The following LIMCH1 variants were observed in gnomAD, a reference collection of about 807,000 sequenced individuals.
LIMCH1 encodes LIM and calponin homology domains-containing protein 1.
In LIMCH1, 113 loss-of-function variants were observed where a neutral mutation model predicts 176.5. The observed-to-expected ratio is 0.64, with a 90% CI of 0.55 to 0.75. The LOEUF is 0.75. Ranked by LOEUF, LIMCH1 falls within the 30% of genes least tolerant of loss-of-function variation. The pLI is 0.00. For missense variants in LIMCH1, 1,674 were observed against 1,814.9 expected (o/e 0.92, Z 1.41); for synonymous variants, 619 against 645.9 (o/e 0.96, Z 0.63).
chr4:41,461,828 C>G (rs147362120), intron 1 of LIMCH1, among the ~76,000 whole-genome samples: 1 of 152,298 alleles, frequency 6.6e-6, no homozygotes, highest in African/African-American at 2.4e-5. Flanking sequence ...AAATCATTAC[C>G]TTAGTTTAAA....
intron 14 of LIMCH1, among the ~76,000 whole-genome samples, chr4:41,640,558 G>C (rs577870394): frequency 6.6e-6 from 1 of 152,124 alleles, no homozygotes; most frequent in African/African-American, 2.4e-5. Context: ...AGTAAAAGGA[G>C]CTTTTTTTCC....
At position 41,360,825 on chromosome 4, in the gene LIMCH1, A is replaced by G; in HGVS notation, c.-16A>G. ...CGTCCTCATCCCGGCGCTTGAGAGG[A>G]CGCGGGGCTGCGCAAATGGCTTGTC... On this transcript the variant is annotated 5_prime_UTR_variant, in exon 1 of 27. Coordinates refer to the LIMCH1 transcript ENST00000313860. The surrounding 1 kb of genome is among the most constrained non-coding windows in gnomAD (Gnocchi z 4.5). The G allele has an allele frequency of 6.5e-7, 1 of 1,534,456 alleles. No homozygotes were observed. Among genetic ancestry groups the G allele is most frequent in the Non-Finnish European group, 8.8e-7 (1 of 1,141,024 alleles).
At chr4:41,654,129 G>A (rs530934804) in intron 18 of LIMCH1, among the ~76,000 whole-genome samples, 1 of 152,260 alleles carries the variant, frequency 6.6e-6, no homozygotes, top group South Asian at 2.1e-4. Context: ...ATTAAATACA[G>A]AGGGACTCAT....
At chr4:41,415,812 C>T (rs1157827875) in intron 1 of LIMCH1, among the ~76,000 whole-genome samples, 1 of 149,782 alleles carries the variant, frequency 6.7e-6, no homozygotes, top group Non-Finnish European at 1.5e-5. Context: ...CCCGTGTCTA[C>T]TAAAAATAAA....
At chr4:41,568,760 AT>A (rs1298602966) in intron 1 of LIMCH1, among the ~76,000 whole-genome samples, 2 of 152,216 alleles carry the variant, frequency 1.3e-5, no homozygotes, top group Non-Finnish European at 2.9e-5. Flanking sequence ...CCATTGAAAG[AT>A]TGCTTGACTT....
chr4:41,429,491 T>A (rs1231282416), intron 1 of LIMCH1, among the ~76,000 whole-genome samples: 1 of 152,216 alleles, frequency 6.6e-6, no homozygotes, highest in Non-Finnish European at 1.5e-5. Context: ...TTTGGCAGCA[T>A]GATGCTCTGT....
At chr4:41,688,021 G>A (rs1333619002) in intron 29 of LIMCH1, 104 bp downstream of exon 29, 11 of 873,084 alleles carry the variant, frequency 1.3e-5, no homozygotes, top group South Asian at 8.6e-5. Context: ...TTTGAGGGAT[G>A]TGTCCATCCA....
At chr4:41,596,135 G>C (rs562309155) in intron 1 of LIMCH1, among the ~76,000 whole-genome samples, 1 of 150,892 alleles carries the variant, frequency 6.6e-6, no homozygotes, top group East Asian at 1.9e-4. Flanking sequence ...ATACTTTATT[G>C]TACTAATTTT....
chr4:41,442,412 A>G (rs1339966525), intron 1 of LIMCH1, among the ~76,000 whole-genome samples: 2 of 152,278 alleles, frequency 1.3e-5, no homozygotes, highest in East Asian at 1.9e-4. Context: ...ACTTAGCATC[A>G]GTGTCTATTC....
chr4:41,583,667 T>G (rs1249854990), intron 1 of LIMCH1, among the ~76,000 whole-genome samples: 1 of 152,182 alleles, frequency 6.6e-6, no homozygotes, highest in African/African-American at 2.4e-5. Context: ...TTTTTTGAAT[T>G]ACATAGAAAA....
rs191842995 is a variant in LIMCH1, at chr4:41,573,894, A to C, written c.-240-25026A>C. Among the ~76,000 whole-genome samples the C allele has an allele frequency of 3.3e-5, 5 of 152,316 alleles. No individual in the cohort carries two copies. The East Asian group carries it at 7.7e-4, about 24-fold the overall frequency. The stretch of plus-strand genomic sequence containing the variant: ...TACTGGATTATAAAAGCCAATGGCT[A>C]TTAGGTCATTAGCTTAAAGAGCTAT... On this transcript the variant is annotated intron_variant, in intron 1 of 31. Transcript: ENST00000503057.
At chr4:41,499,552 G>C (rs2072848235) in intron 2 of LIMCH1, among the ~76,000 whole-genome samples, 1 of 152,184 alleles carries the variant, frequency 6.6e-6, no homozygotes, top group South Asian at 2.1e-4. Flanking sequence ...GGGAGCGATG[G>C]CTCACGCCTA....
intron 1 of LIMCH1, among the ~76,000 whole-genome samples, chr4:41,585,605 A>T (rs1384632355): frequency 6.6e-6 from 1 of 152,212 alleles, no homozygotes; most frequent in Non-Finnish European, 1.5e-5. Flanking sequence ...TTTTTGAGGA[A>T]ACATCAAACT....
intron 1 of LIMCH1, among the ~76,000 whole-genome samples, chr4:41,585,623 A>G (rs146922516): frequency 6.6e-6 from 1 of 152,332 alleles, no homozygotes; most frequent in African/African-American, 2.4e-5. Context: ...ACTGTTTTCC[A>G]TAGCAGTTAC....
intron 27 of LIMCH1, among the ~76,000 whole-genome samples, chr4:41,685,083 AGAG>A (rs1250020620): frequency 6.6e-6 from 1 of 152,222 alleles, no homozygotes; most frequent in East Asian, 1.9e-4. Context: ...AATGATATAA[AGAG>A]GAGGAGTGAG....
rs13148269 is a variant in LIMCH1, at chr4:41,573,625, T to C, written c.-240-25295T>C. On this transcript the variant is annotated intron_variant, in intron 1 of 31. Transcript: ENST00000503057. ...AATAAATTGCTTAACTGCATTCCTG[T>C]TGCTGGGCATTTGGGTGGTTGCTAT... Among the ~76,000 whole-genome samples the C allele has an allele frequency of 2.6e-3, 403 of 152,360 alleles. 1 individual carries two copies. The highest frequency in any genetic ancestry group is 0.011 in the South Asian group (52 of 4,828).
At chr4:41,469,645 T>A (rs1054714869) in intron 1 of LIMCH1, among the ~76,000 whole-genome samples, 1 of 141,934 alleles carries the variant, frequency 7.0e-6, no homozygotes, top group Non-Finnish European at 1.5e-5. Flanking sequence ...TTTTTAGGAT[T>A]ATGTCATAGC....
chr4:41,640,025 T>C (rs1248587973), intron 14 of LIMCH1, among the ~76,000 whole-genome samples: 4 of 152,230 alleles, frequency 2.6e-5, no homozygotes, highest in African/African-American at 9.7e-5. Context: ...GATTGTGCTA[T>C]TTTCATGTTT....
At chr4:41,657,497 A>G (rs183065572) in intron 18 of LIMCH1, among the ~76,000 whole-genome samples, 240 of 152,324 alleles carry the variant, frequency 1.6e-3, no homozygotes, top group Non-Finnish European at 2.8e-3. Context: ...AGAATACAGA[A>G]AACTGGAGAA....
Sources: gnomAD v4.1 joint callset for allele counts (sites outside exome capture counted in the v4.1 genomes callset) on GRCh38, gnomAD v4.1.1 for gene constraint, Gnocchi (gnomAD v3.1) non-coding constraint, MANE v1.5 for transcripts, NCBI Gene and HGNC (gene_info 2026-07-23, HGNC 2026-07-21) for gene names.